Variants in MAPK4 observed in about 807,000 individuals in gnomAD.
MAPK4 encodes Erk3-related.
A neutral mutation model predicts 47.7 loss-of-function variants in MAPK4; 22 were observed. That is an observed-to-expected ratio of 0.46 (90% CI 0.33 to 0.66). The LOEUF (loss-of-function observed/expected upper bound fraction) is 0.66. MAPK4 is among the 30% of genes least tolerant of loss of function. The pLI is 0.02. For synonymous variants in MAPK4, 390 were observed against 365.7 expected, an observed-to-expected ratio of 1.07 and a Z score of -0.76; for missense variants, 736 against 831.7, an observed-to-expected ratio of 0.88 and a Z score of 1.42.
chr18:50,686,872 C>T (rs981623120), intron 2 of MAPK4, among the ~76,000 whole-genome samples: 1 of 152,162 alleles, frequency 6.6e-6, no homozygotes, highest in Admixed American at 6.5e-5. Flanking sequence ...ATCTGAGGTC[C>T]CTGGCAAATT....
intron 1 of MAPK4, among the ~76,000 whole-genome samples, chr18:50,648,298 G>A (rs1295971758): frequency 2.0e-5 from 3 of 152,244 alleles, no homozygotes; most frequent in South Asian, 2.1e-4. Flanking sequence ...GGAGAATGTG[G>A]TGAATCAGGG....
intron 1 of MAPK4, among the ~76,000 whole-genome samples, chr18:50,609,507 C>T (rs1180725464): frequency 6.6e-6 from 1 of 152,134 alleles, no homozygotes; most frequent in Non-Finnish European, 1.5e-5. Flanking sequence ...GAGGCTCACA[C>T]AGTCAAGGAG....
At chr18:50,561,027 C>T (rs1330138109) in intron 1 of MAPK4, among the ~76,000 whole-genome samples, 1 of 152,234 alleles carries the variant, frequency 6.6e-6, no homozygotes, top group African/African-American at 2.4e-5. Context: ...GGGGCTGTGG[C>T]GGGAGTTCCA....
intron 4 of MAPK4, among the ~76,000 whole-genome samples, chr18:50,722,333 C>T (rs1333188362): frequency 6.6e-6 from 1 of 152,234 alleles, no homozygotes; most frequent in Non-Finnish European, 1.5e-5. Flanking sequence ...TTTCTGCTGC[C>T]TTTTGCTTCT....
At chr18:50,701,435 C>T (rs1909782988) in intron 2 of MAPK4, among the ~76,000 whole-genome samples, 2 of 152,242 alleles carry the variant, frequency 1.3e-5, no homozygotes, top group East Asian at 1.9e-4. Flanking sequence ...TGCTGGATGC[C>T]GCTTGCTTGG....
At chr18:50,615,202 G>A (rs1485468446) in intron 1 of MAPK4, among the ~76,000 whole-genome samples, 3 of 149,774 alleles carry the variant, frequency 2.0e-5, no homozygotes, top group African/African-American at 7.6e-5. Flanking sequence ...TAATTGTGTT[G>A]GGGGGGGAGA....
intron 1 of MAPK4, among the ~76,000 whole-genome samples, chr18:50,639,340 GCAT>G (rs1333631739): frequency 4.6e-5 from 7 of 152,166 alleles, no homozygotes; most frequent in Non-Finnish European, 1.0e-4. Flanking sequence ...TATGTAGTTT[GCAT>G]CCTGAAAAAC....
At chr18:50,634,855 A>C (rs2042868632) in intron 1 of MAPK4, among the ~76,000 whole-genome samples, 1 of 152,110 alleles carries the variant, frequency 6.6e-6, no homozygotes, top group African/African-American at 2.4e-5. Flanking sequence ...CTTCTGTGTA[A>C]TGAGACTCAA....
intron 2 of MAPK4, among the ~76,000 whole-genome samples, chr18:50,693,638 G>A (rs188907804): frequency 1.0e-3 from 159 of 152,342 alleles, no homozygotes; most frequent in Admixed American, 2.5e-3. Context: ...TAAGCAGCCA[G>A]TTGTGTGAAT....
At chr18:50,571,260 C>A (rs2042247577) in intron 1 of MAPK4, among the ~76,000 whole-genome samples, 1 of 152,094 alleles carries the variant, frequency 6.6e-6, no homozygotes, top group Admixed American at 6.6e-5. Context: ...AAAATTAGTC[C>A]ACCATATTGC....
intron 1 of MAPK4, among the ~76,000 whole-genome samples, chr18:50,570,027 C>T (rs2042236101): frequency 6.6e-6 from 1 of 152,234 alleles, no homozygotes; most frequent in Non-Finnish European, 1.5e-5. Flanking sequence ...TTGTTGTTAA[C>T]CTCATCCAGC....
chr18:50,711,317 G>A (rs1445270838), intron 2 of MAPK4, among the ~76,000 whole-genome samples: 2 of 152,180 alleles, frequency 1.3e-5, no homozygotes, highest in Non-Finnish European at 2.9e-5. Flanking sequence ...AATAGCTGAC[G>A]AAAGTCCCAA....
chr18:50,564,245 A>G (rs1244680161), intron 1 of MAPK4, among the ~76,000 whole-genome samples: 1 of 152,110 alleles, frequency 6.6e-6, no homozygotes. Context: ...TTGCTTCCTT[A>G]CCTATATGTG....
At position 50,590,183 on chromosome 18, in the gene MAPK4, A is replaced by C. The variant is rs80139951; in HGVS notation, c.-871+29940A>C. Among the ~76,000 whole-genome samples the C allele has an allele frequency of 9.1e-3, 1,388 of 152,346 alleles. 20 individuals carry two copies. The highest frequency in any genetic ancestry group is 0.031 in the African/African-American group (1,290 of 41,586). On this transcript the variant is annotated intron_variant, in intron 1 of 5. Coordinates refer to ENST00000400384, the MANE Select transcript of MAPK4 (RefSeq NM_002747.4). ...CAGGGCAGGCTGACTAGCTGTGATG[A>C]GGAAGGAGCAGTTCTTGGGAATAAA... is the stretch of plus-strand genomic sequence containing the variant.
intron 1 of MAPK4, among the ~76,000 whole-genome samples, chr18:50,603,920 C>T (rs911585174): frequency 2.0e-5 from 3 of 152,130 alleles, no homozygotes; most frequent in African/African-American, 7.2e-5. Flanking sequence ...GGGGCCTTTA[C>T]TTGGAACTTA....
intron 4 of MAPK4, among the ~76,000 whole-genome samples, chr18:50,723,375 C>T (rs1490821344): frequency 6.6e-6 from 1 of 152,188 alleles, no homozygotes; most frequent in Non-Finnish European, 1.5e-5. Flanking sequence ...ACAGCCATTT[C>T]TCACTGCAGG....
chr18:50,653,201 A>T (rs566708400), intron 1 of MAPK4, among the ~76,000 whole-genome samples: 3 of 152,118 alleles, frequency 2.0e-5, no homozygotes, highest in Admixed American at 6.5e-5. Context: ...AAAAATAAAA[A>T]AAAAAAAGAA....
intron 1 of MAPK4, among the ~76,000 whole-genome samples, chr18:50,584,566 T>C (rs897745571): frequency 5.3e-5 from 8 of 152,246 alleles, no homozygotes; most frequent in South Asian, 2.1e-4. Context: ...TCCCTAGCTA[T>C]AGACTGTGTC....
At chr18:50,588,013 G>A (rs527261389) in intron 1 of MAPK4, among the ~76,000 whole-genome samples, 1 of 152,162 alleles carries the variant, frequency 6.6e-6, no homozygotes, top group East Asian at 1.9e-4. Flanking sequence ...TTACAGGCAT[G>A]AGCTACCATG....
Sources: gnomAD v4.1 joint callset for allele counts (sites outside exome capture counted in the v4.1 genomes callset) on GRCh38, gnomAD v4.1.1 for gene constraint, MANE v1.5 for transcripts, NCBI Gene and HGNC (gene_info 2026-07-23, HGNC 2026-07-21) for gene names.